The following CORIN variants were observed in gnomAD, a reference collection of about 807,000 sequenced individuals.
The protein encoded by CORIN is corin, serine peptidase, also known as atrial natriuretic peptide-converting enzyme.
In CORIN, 117 loss-of-function variants were observed where a neutral mutation model predicts 125.3. That is an observed-to-expected ratio of 0.93 (90% CI 0.80 to 1.09). The LOEUF is 1.09. Ranked by LOEUF, CORIN falls within the 50% of genes least tolerant of loss-of-function variation. The probability of loss-of-function intolerance (pLI) is 0.00; values close to 1 mark genes in which losing one functional copy is unlikely to be tolerated. For synonymous variants in CORIN, 450 were observed against 466.4 expected, an observed-to-expected ratio of 0.96 and a Z score of 0.45; for missense variants, 1,253 against 1,306.7, an observed-to-expected ratio of 0.96 and a Z score of 0.63.
intron 5 of CORIN, among the ~76,000 whole-genome samples, chr4:47,740,093 T>C (rs1728318308): frequency 6.6e-6 from 1 of 151,942 alleles, no homozygotes; most frequent in Non-Finnish European, 1.5e-5. Context: ...GTAAATGAAT[T>C]AAACACTACA....
intron 19 of CORIN, among the ~76,000 whole-genome samples, chr4:47,621,188 G>A (rs1297469630): frequency 1.3e-5 from 2 of 152,182 alleles, no homozygotes; most frequent in Admixed American, 1.3e-4. Context: ...TGTGACTGAT[G>A]GCTCTGGGCA....
intron 1 of CORIN, chr4:47,837,411 C>A: frequency 4.1e-6 from 1 of 243,814 alleles, no homozygotes; most frequent in Non-Finnish European, 8.1e-6. Flanking sequence ...TCCCTCCAGC[C>A]ACCCGGCGCC....
At chr4:47,830,263 G>A (rs545577102) in intron 1 of CORIN, among the ~76,000 whole-genome samples, 3 of 151,926 alleles carry the variant, frequency 2.0e-5, no homozygotes, top group East Asian at 3.9e-4. Context: ...CAGGCTCATC[G>A]GTTGAGTACC....
chr4:47,806,601 T>C (rs1731806945), intron 2 of CORIN, among the ~76,000 whole-genome samples: 1 of 152,194 alleles, frequency 6.6e-6, no homozygotes, highest in Non-Finnish European at 1.5e-5. Flanking sequence ...CTCTCAACTG[T>C]GAGCTCCTAA....
At chr4:47,621,642 T>A (rs1467780355) in intron 19 of CORIN, among the ~76,000 whole-genome samples, 1 of 152,170 alleles carries the variant, frequency 6.6e-6, no homozygotes, top group Non-Finnish European at 1.5e-5. Flanking sequence ...TTAGTTTTAT[T>A]CTTCTGCTCT....
chr4:47,753,161 A>G (rs1728982974), intron 4 of CORIN, among the ~76,000 whole-genome samples: 1 of 152,124 alleles, frequency 6.6e-6, no homozygotes, highest in Non-Finnish European at 1.5e-5. Flanking sequence ...TGTCCCCTTG[A>G]GCCGCAAAAC....
At chr4:47,654,779 G>A (rs1223142213) in intron 12 of CORIN, among the ~76,000 whole-genome samples, 1 of 152,160 alleles carries the variant, frequency 6.6e-6, no homozygotes, top group Admixed American at 6.5e-5. Context: ...TCCTGATGCT[G>A]TGCTGGGCTT....
intron 4 of CORIN, among the ~76,000 whole-genome samples, chr4:47,756,206 A>G (rs1729139828): frequency 6.6e-6 from 1 of 152,234 alleles, no homozygotes; most frequent in African/African-American, 2.4e-5. Context: ...TAAAAGGAAC[A>G]TTATACACAA....
intron 5 of CORIN, among the ~76,000 whole-genome samples, chr4:47,739,277 C>T (rs1728274969): frequency 6.6e-6 from 1 of 151,980 alleles, no homozygotes; most frequent in Admixed American, 6.6e-5. Context: ...AAATCAGACA[C>T]AGAAAATTTT....
At chr4:47,734,375 A>G (rs141627028) in intron 5 of CORIN, among the ~76,000 whole-genome samples, 1 of 152,284 alleles carries the variant, frequency 6.6e-6, no homozygotes, top group Non-Finnish European at 1.5e-5. Context: ...CTGACACCCA[A>G]CGCAAGTCCA....
chr4:47,616,924 C>T (rs998156708), intron 19 of CORIN, among the ~76,000 whole-genome samples: 3 of 152,104 alleles, frequency 2.0e-5, no homozygotes, highest in Non-Finnish European at 4.4e-5. Flanking sequence ...GGAGTAAAGT[C>T]TTTGAAAAGA....
intron 12 of CORIN, among the ~76,000 whole-genome samples, chr4:47,656,863 T>G (rs1023840523): frequency 6.6e-6 from 1 of 152,216 alleles, no homozygotes; most frequent in Admixed American, 6.5e-5. Flanking sequence ...GCAAATGATA[T>G]GATCTTATGT....
intron 5 of CORIN, among the ~76,000 whole-genome samples, chr4:47,735,608 T>A (rs554458700): frequency 6.6e-6 from 1 of 152,308 alleles, no homozygotes; most frequent in Non-Finnish European, 1.5e-5. Flanking sequence ...TAAGTGGCAT[T>A]TTAGTTTGTT....
At chr4:47,836,446 T>A (rs1258944099) in intron 1 of CORIN, among the ~76,000 whole-genome samples, 1 of 152,242 alleles carries the variant, frequency 6.6e-6, no homozygotes, top group Non-Finnish European at 1.5e-5. Flanking sequence ...AAGTCCTGAC[T>A]TCACCCCCTT....
intron 5 of CORIN, among the ~76,000 whole-genome samples, chr4:47,740,477 T>C (rs1375223729): frequency 6.6e-6 from 1 of 151,936 alleles, no homozygotes; most frequent in Non-Finnish European, 1.5e-5. Context: ...CATTAAAAAA[T>C]CCCTCCTCTT....
At chr4:47,663,874 A>G (rs1283367137) in intron 11 of CORIN, among the ~76,000 whole-genome samples, 2 of 152,144 alleles carry the variant, frequency 1.3e-5, no homozygotes, top group African/African-American at 4.8e-5. Flanking sequence ...ACAAGCTAAC[A>G]TTTAGTTTTA....
Position 47,603,495 on chromosome 4 carries a change from G to A in CORIN, c.2714C>T (p.Thr905Ile). 4 of 1,614,182 alleles carry A rather than the reference G, an allele frequency of 2.5e-6. No individual in the cohort carries two copies. Among genetic ancestry groups the A allele is most frequent in the Non-Finnish European group, 3.4e-6 (4 of 1,180,030 alleles). Residue 905 changes from threonine (T) to isoleucine (I), a missense_variant, in exon 20 of 22, where the codon ACT becomes ATT. Coordinates refer to ENST00000273857, the MANE Select transcript of CORIN (RefSeq NM_006587.4). ...CAAGCAGACAGGCCGGACGTAGCCAGTCTCACTGATGTCTTCACTCAGCTC... is the reference window on the plus strand; with the variant it reads ...CAAGCAGACAGGCCGGACGTAGCCAATCTCACTGATGTCTTCACTCAGCTC... ...IVELSEDISE[T>I]GYVRPVCLPN... is the part of the protein sequence containing the mutation.
intron 1 of CORIN, among the ~76,000 whole-genome samples, chr4:47,836,161 A>C (rs1191778170): frequency 1.3e-5 from 2 of 152,170 alleles, no homozygotes; most frequent in Non-Finnish European, 2.9e-5. Context: ...ACGTGAGTCT[A>C]TGCAGACATC....
intron 1 of CORIN, among the ~76,000 whole-genome samples, chr4:47,823,037 T>A (rs1353490154): frequency 6.6e-6 from 1 of 152,156 alleles, no homozygotes; most frequent in East Asian, 1.9e-4. Context: ...ATGGTCTCAA[T>A]CTCTTGACCT....
Sources: allele counts gnomAD v4.1 joint callset (sites outside exome capture counted in the v4.1 genomes callset), GRCh38; gene constraint gnomAD v4.1.1; transcripts MANE v1.5; gene names NCBI Gene and HGNC (gene_info 2026-07-23, HGNC 2026-07-21).